EVC: variants seen among roughly 807,000 people sequenced by gnomAD.
The protein encoded by EVC is EvC ciliary complex subunit 1, also known as evC complex member EVC.
A neutral mutation model predicts 118.9 loss-of-function variants in EVC; 116 were observed. That is an observed-to-expected ratio of 0.98 (90% CI 0.84 to 1.14). EVC has a LOEUF of 1.14. Among genes scored for constraint, EVC ranks in the 50% most tolerant of loss-of-function variants. EVC has a pLI of 0.00. For missense variants in EVC, 1,401 were observed against 1,246.4 expected, an observed-to-expected ratio of 1.12 and a Z score of -1.87; for synonymous variants, 619 against 534.7, an observed-to-expected ratio of 1.16 and a Z score of -2.18.
intron 7 of EVC, among the ~76,000 whole-genome samples, chr4:5,745,829 T>C (rs1729286636): frequency 6.6e-6 from 1 of 152,184 alleles, no homozygotes; most frequent in Admixed American, 6.5e-5. Context: ...TGCTGGGCAC[T>C]GGGGACTCAA....
chr4:5,731,710 CG>C lies in EVC; in HGVS notation c.617+56del. ...GGCTTCCAGTCCTCTTGGAGTGGGC[CG>C]GGAGTCACATCATTGTCAGAGGAGG... On this transcript the variant is annotated intron_variant, in intron 4 of 20. Transcript: ENST00000264956. The surrounding 1 kb of genome is among the most constrained non-coding windows in gnomAD (Gnocchi z 5.6). The C allele has an allele frequency of 6.6e-7, 1 of 1,504,328 alleles. No individual in the cohort carries two copies. Among genetic ancestry groups the C allele is most frequent in the South Asian group, 1.2e-5 (1 of 85,610 alleles). 93.2% of individuals were successfully genotyped at this position (1,504,328 alleles called of 1,614,324 possible).
At chr4:5,778,386 T>C (rs1457527923) in intron 11 of EVC, among the ~76,000 whole-genome samples, 3 of 151,938 alleles carry the variant, frequency 2.0e-5, no homozygotes, top group Non-Finnish European at 2.9e-5. Context: ...ATGGTATTTC[T>C]AGTTCTAGAT....
At chr4:5,793,277 A>C (rs1231421946) in intron 12 of EVC, among the ~76,000 whole-genome samples, 3 of 152,222 alleles carry the variant, frequency 2.0e-5, no homozygotes, top group Non-Finnish European at 4.4e-5. Context: ...GCCAGAAAAA[A>C]AATAAATTAT....
chr4:5,755,529 A>T lies in EVC; in HGVS notation c.1465-735A>T. On this transcript the variant is annotated intron_variant, in intron 10 of 20. Coordinates refer to ENST00000264956, the MANE Select transcript of EVC (RefSeq NM_153717.3). The surrounding 1 kb of genome is among the most constrained non-coding windows in gnomAD (Gnocchi z 4.1). ...CAGTCCCGCCCTTCTCTCTCATCTC[A>T]CCTCCTGCCCGTAGCATCACCAAAG... Among the ~76,000 whole-genome samples the T allele has an allele frequency of 6.6e-6, 1 of 151,280 alleles. No homozygotes were observed.
At chr4:5,794,408 T>A (rs555787194) in intron 13 of EVC, among the ~76,000 whole-genome samples, 41 of 114,008 alleles carry the variant, frequency 3.6e-4, no homozygotes, top group South Asian at 2.5e-3. Flanking sequence ...ATATATATAT[T>A]TTTTTTCTTT....
At chr4:5,825,712 T>C in the EVC span, 1 of 1,572,732 alleles carries the variant, frequency 6.4e-7, no homozygotes. The surrounding 1 kb of genome is among the most constrained non-coding windows in gnomAD (Gnocchi z 4.4). Context: ...TGTGTGCCCT[T>C]CTGGGCAGAT....
rs377745357 is a variant in EVC, at chr4:5,719,425, AT to A, written c.300+54del. ...TGGAGGCACATGTGGGAGGTGGGGT[AT>A]TCCCCCTGGAAGCCGGGTGTCATGT... On this transcript the variant is annotated intron_variant, in intron 2 of 20. Transcript: ENST00000264956. The surrounding 1 kb of genome is among the most constrained non-coding windows in gnomAD (Gnocchi z 4.7). The A allele has an allele frequency of 1.2e-3, 2,008 of 1,612,940 alleles. 24 individuals carry two copies. In the African/African-American group the frequency reaches 0.023, roughly 19 times the overall value.
chr4:5,763,395 G>A (rs1249325403), intron 11 of EVC, among the ~76,000 whole-genome samples: 2 of 147,940 alleles, frequency 1.4e-5, no homozygotes, highest in East Asian at 4.1e-4. Flanking sequence ...CTCTTTTCTG[G>A]TTCCATATGA....
chr4:5,717,325 T>G (rs150807110), intron 1 of EVC, among the ~76,000 whole-genome samples: 29 of 152,300 alleles, frequency 1.9e-4, no homozygotes, highest in Admixed American at 1.7e-3. Context: ...ATATTTTAGT[T>G]GTTTATTTGT....
chr4:5,803,522 G>T (rs1330197000), intron 16 of EVC, among the ~76,000 whole-genome samples: 1 of 152,174 alleles, frequency 6.6e-6, no homozygotes, highest in Non-Finnish European at 1.5e-5. Flanking sequence ...TTCCCCATCT[G>T]TGGGACTAGG....
At chr4:5,775,116 C>A (rs1047106100) in intron 11 of EVC, among the ~76,000 whole-genome samples, 2 of 152,128 alleles carry the variant, frequency 1.3e-5, no homozygotes, top group African/African-American at 4.8e-5. Context: ...TTTGTCCCAA[C>A]CACTGCTGTA....
intron 11 of EVC, among the ~76,000 whole-genome samples, chr4:5,781,756 C>T (rs1271888551): frequency 6.6e-6 from 1 of 152,094 alleles, no homozygotes; most frequent in Non-Finnish European, 1.5e-5. Flanking sequence ...GAGAGGGTCA[C>T]CTGAGTCCAG....
At chr4:5,804,700 C>T (rs1577649371) in intron 16 of EVC, 30 bp from the exon 17 acceptor site, 1 of 1,600,932 alleles carries the variant, frequency 6.2e-7, no homozygotes. Context: ...CCAAACAGAC[C>T]CCTTGATTGT....
the EVC span, among the ~76,000 whole-genome samples, chr4:5,822,708 G>A: frequency 1.3e-5 from 2 of 152,188 alleles, no homozygotes. Flanking sequence ...AGGGGAAGTT[G>A]AGCCGGCGGA....
chr4:5,804,589 C>T, intron 16 of EVC, 141 bp from the exon 17 acceptor site: 2 of 730,892 alleles, frequency 2.7e-6, no homozygotes, highest in Non-Finnish European at 2.5e-6. Context: ...GCACACAATG[C>T]CCTGTCCCTG....
intron 1 of EVC, among the ~76,000 whole-genome samples, chr4:5,715,740 C>CCTTTTTTTTTTTT (rs1553860016): frequency 2.8e-5 from 2 of 70,992 alleles, no homozygotes; most frequent in African/African-American, 4.8e-5. Flanking sequence ...TTTCCATTGT[C>CCTTTTTTTTTTTT]TTTTTTTTTT....
rs1012097888 is a variant in EVC at position 5,731,009 on chromosome 4, C to T, written c.385-416C>T. Among the ~76,000 whole-genome samples the T allele has an allele frequency of 6.6e-6, 1 of 151,746 alleles. No homozygotes were observed. Among genetic ancestry groups the T allele is most frequent in the Non-Finnish European group, 1.5e-5 (1 of 67,952 alleles). On this transcript the variant is annotated intron_variant, in intron 3 of 20. Transcript: ENST00000264956. This position sits in a 1 kb window ranked among gnomAD's most constrained non-coding sequence, Gnocchi z 5.6. ...GAGGGTGACTCCTGCTCTGTGCAGGCGAAGGACAGGTGGTTGGCAGGATTC... is the reference window on the plus strand; with the variant it reads ...GAGGGTGACTCCTGCTCTGTGCAGGTGAAGGACAGGTGGTTGGCAGGATTC...
intron 11 of EVC, among the ~76,000 whole-genome samples, chr4:5,762,922 C>G (rs1427643637): frequency 5.3e-5 from 5 of 94,686 alleles, no homozygotes; most frequent in South Asian, 3.6e-4. Flanking sequence ...TCCCATTTGT[C>G]AATTTTGTCT....
At chr4:5,741,196 G>A (rs1181943233) in intron 5 of EVC, among the ~76,000 whole-genome samples, 4 of 152,198 alleles carry the variant, frequency 2.6e-5, no homozygotes, top group Non-Finnish European at 5.9e-5. Flanking sequence ...TTACAGGGGT[G>A]AATAGATCAA....
Sources: gnomAD v4.1 joint callset for allele counts (sites outside exome capture counted in the v4.1 genomes callset) on GRCh38, gnomAD v4.1.1 for gene constraint, Gnocchi (gnomAD v3.1) non-coding constraint, MANE v1.5 for transcripts, NCBI Gene and HGNC (gene_info 2026-07-23, HGNC 2026-07-21) for gene names.